The following ABLIM3 variants were observed in gnomAD, a reference collection of about 807,000 sequenced individuals.
ABLIM3 encodes actin binding LIM protein family member 3, also known as actin-binding LIM protein 3.
A neutral mutation model predicts 109.5 loss-of-function variants in ABLIM3; 61 were observed. That is an observed-to-expected ratio of 0.56 (90% confidence interval 0.45 to 0.69). ABLIM3 has a LOEUF of 0.69. Ranked by LOEUF, ABLIM3 falls within the 30% of genes least tolerant of loss-of-function variation. ABLIM3 has a pLI of 0.00. For synonymous variants in ABLIM3, 300 were observed against 324.8 expected (o/e 0.92, Z 0.82); for missense variants, 796 against 889.5 (o/e 0.89, Z 1.34).
rs899514691 is a variant in ABLIM3 at position 149,259,498 on chromosome 5, C to T, written c.*1094C>T. ...GGGCTGGCAGGGCAACCATACCATA[C>T]CCCCGCCAGTCCTCGGCTCCTGCTG... is the stretch of plus-strand genomic sequence containing the variant. On this transcript the variant is annotated 3_prime_UTR_variant, in exon 24 of 24. Transcript: ENST00000309868. 5 of 1,536,096 alleles carry T rather than the reference C, an allele frequency of 3.3e-6. No individual in the cohort carries two copies. The highest frequency in any genetic ancestry group is 4.4e-6 in the Non-Finnish European group (5 of 1,146,906).
chr5:149,239,661 A>G lies in ABLIM3; in HGVS notation c.1075-98A>G, dbSNP rs566863763. 5.4e-6 allele frequency: 8 copies of G among 1,481,238 alleles called. No individual in the cohort carries two copies. The South Asian group carries it at 9.9e-5, about 18-fold the overall frequency. 91.8% of individuals were successfully genotyped at this position (1,481,238 alleles called of 1,614,324 possible). A position where few individuals can be genotyped will look rare whatever the true frequency, so the allele number is the denominator to read the frequency against. On this transcript the variant is annotated intron_variant, in intron 12 of 23. Transcript: ENST00000309868. Reference sequence around the variant, plus strand: ...CTGTATTCACACCTCAAACCCGAGAATCCCAGATTCCATGTCATGCCCACC... The same window carrying G: ...CTGTATTCACACCTCAAACCCGAGAGTCCCAGATTCCATGTCATGCCCACC...
intron 12 of ABLIM3, 127 bp downstream of exon 12, chr5:149,239,404 C>G: frequency 2.9e-6 from 3 of 1,031,288 alleles, no homozygotes; most frequent in Non-Finnish European, 3.0e-6. Flanking sequence ...CAGGGAAGTG[C>G]TGGAGAGACT....
At chr5:149,236,427 G>T (rs753532785) in intron 10 of ABLIM3, among the ~76,000 whole-genome samples, 1 of 152,034 alleles carries the variant, frequency 6.6e-6, no homozygotes, top group Admixed American at 6.5e-5. Context: ...AGCCTCTGTT[G>T]TAATTTGCAG....
At chr5:149,254,358 A>G (rs1213298520) in intron 23 of ABLIM3, among the ~76,000 whole-genome samples, 1 of 152,162 alleles carries the variant, frequency 6.6e-6, no homozygotes, top group East Asian at 1.9e-4. Context: ...TCTCCTGTGT[A>G]TCAGATCATG....
intron 18 of ABLIM3, among the ~76,000 whole-genome samples, chr5:149,249,152 A>AGAC (rs1202203894): frequency 6.6e-6 from 1 of 152,382 alleles, no homozygotes; most frequent in East Asian, 1.9e-4. Flanking sequence ...AGCCAGGATC[A>AGAC]GACCCAAGTT....
At chr5:149,189,354 T>C (rs1355430728) in intron 3 of ABLIM3, among the ~76,000 whole-genome samples, 1 of 152,142 alleles carries the variant, frequency 6.6e-6, no homozygotes, top group African/African-American at 2.4e-5. Context: ...AATATATCAA[T>C]TAGATATTAT....
At chr5:149,170,658 A>G (rs1371486032) in intron 2 of ABLIM3, among the ~76,000 whole-genome samples, 1 of 152,232 alleles carries the variant, frequency 6.6e-6, no homozygotes, top group Non-Finnish European at 1.5e-5. Flanking sequence ...GGGCCAAACC[A>G]TAATTGAGAA....
rs1047350144 is a variant in ABLIM3, at chr5:149,259,118, G to A, written c.*714G>A. The A allele has an allele frequency of 2.0e-5, 20 of 1,013,162 alleles. No homozygotes were observed. In the African/African-American group the frequency reaches 3.3e-4, roughly 17 times the overall value. 62.8% of individuals were successfully genotyped at this position (1,013,162 alleles called of 1,614,324 possible). ...CCCTTCCCTCCACCACTTCCAACTG[G>A]CCCCTTTGCCTGACCTGGACTTGGA... On this transcript the variant is annotated 3_prime_UTR_variant, in exon 24 of 24. Coordinates refer to ENST00000309868, the MANE Select transcript of ABLIM3 (RefSeq NM_014945.5).
intron 2 of ABLIM3, among the ~76,000 whole-genome samples, chr5:149,148,921 C>T (rs1010197171): frequency 6.6e-6 from 1 of 152,254 alleles, no homozygotes; most frequent in Non-Finnish European, 1.5e-5. Context: ...CCTCACCCTC[C>T]AGAGCATCAA....
Position 149,258,828 on chromosome 5 carries a change from A to G in ABLIM3, c.*424A>G. The G allele has an allele frequency of 2.0e-6, 2 of 990,676 alleles. No individual in the cohort carries two copies. Among genetic ancestry groups the G allele is most frequent in the Non-Finnish European group, 2.4e-6 (2 of 833,624 alleles). The allele number at this position is 990,676 out of a possible 1,614,324, so 61.4% of individuals were successfully genotyped here. ...GCCCCAGAGGGGCCCTCCCATGGGAAGATCTGCAGCAGTCTCCCCAAATCA... is the reference window on the plus strand; with the variant it reads ...GCCCCAGAGGGGCCCTCCCATGGGAGGATCTGCAGCAGTCTCCCCAAATCA... On this transcript the variant is annotated 3_prime_UTR_variant, in exon 24 of 24. Coordinates refer to ENST00000309868, the MANE Select transcript of ABLIM3 (RefSeq NM_014945.5).
intron 2 of ABLIM3, among the ~76,000 whole-genome samples, chr5:149,170,279 T>TCTCTCTCTCC (rs1755283065): frequency 6.6e-6 from 1 of 151,462 alleles, no homozygotes; most frequent in Non-Finnish European, 1.5e-5. Flanking sequence ...TCCCTCTCTC[T>TCTCTCTCTCC]CTCTCTCTCT....
At chr5:149,179,885 C>T (rs1756310207) in intron 2 of ABLIM3, among the ~76,000 whole-genome samples, 1 of 152,208 alleles carries the variant, frequency 6.6e-6, no homozygotes, top group Non-Finnish European at 1.5e-5. Flanking sequence ...GCATAGATGT[C>T]TAGAACATGT....
intron 3 of ABLIM3, among the ~76,000 whole-genome samples, chr5:149,196,030 G>T (rs900753966): frequency 6.6e-6 from 1 of 152,174 alleles, no homozygotes; most frequent in East Asian, 1.9e-4. Context: ...GTGAACAGAG[G>T]CCCCAGAGAA....
intron 2 of ABLIM3, among the ~76,000 whole-genome samples, chr5:149,152,500 C>T (rs1319036239): frequency 6.6e-6 from 1 of 152,146 alleles, no homozygotes; most frequent in Non-Finnish European, 1.5e-5. Flanking sequence ...GATGTCATAT[C>T]CTGTTGGATA....
intron 14 of ABLIM3, among the ~76,000 whole-genome samples, chr5:149,241,669 G>A (rs1752859279): frequency 6.6e-6 from 1 of 152,204 alleles, no homozygotes; most frequent in Non-Finnish European, 1.5e-5. Flanking sequence ...TGAGGCAGGA[G>A]AATTACTTGA....
intron 2 of ABLIM3, among the ~76,000 whole-genome samples, chr5:149,182,629 G>T (rs1246209303): frequency 6.6e-6 from 1 of 152,140 alleles, no homozygotes; most frequent in Non-Finnish European, 1.5e-5. Flanking sequence ...GCCATGAAAT[G>T]GTCTTAGCAG....
At chr5:149,239,375 C>A in intron 12 of ABLIM3, 98 bp downstream of exon 12, 1 of 1,324,856 alleles carries the variant, frequency 7.5e-7, no homozygotes. Flanking sequence ...GAGCCCTTGC[C>A]CAAGGTATTC....
At chr5:149,229,067 A>G (rs1438136313) in intron 8 of ABLIM3, among the ~76,000 whole-genome samples, 2 of 152,084 alleles carry the variant, frequency 1.3e-5, no homozygotes, top group Non-Finnish European at 2.9e-5. Flanking sequence ...GTTTCCTGCC[A>G]CAGCCACAGT....
At chr5:149,210,883 CAGA>C (rs1759482839) in intron 7 of ABLIM3, 64 bp downstream of exon 7, 6 of 1,465,508 alleles carry the variant, frequency 4.1e-6, no homozygotes, top group Admixed American at 3.3e-5. Flanking sequence ...AAAGTCATCA[CAGA>C]AGAAGGAGAA....
Sources: gnomAD v4.1 joint callset for allele counts (sites outside exome capture counted in the v4.1 genomes callset) on GRCh38, gnomAD v4.1.1 for gene constraint, MANE v1.5 for transcripts, NCBI Gene and HGNC (gene_info 2026-07-23, HGNC 2026-07-21) for gene names.